Variants in GPC6 observed in about 807,000 individuals in gnomAD.
GPC6 encodes the protein glypican-6.
A neutral mutation model predicts 55.2 loss-of-function variants in GPC6; 14 were observed. The ratio of observed to expected loss-of-function variants is 0.25; its 90% confidence interval spans 0.17 to 0.40. The LOEUF is 0.40. GPC6 is among the 10% of genes least tolerant of loss of function. GPC6 has a pLI of 1.00. For synonymous variants in GPC6, 278 were observed against 259.6 expected, an observed-to-expected ratio of 1.07 and a Z score of -0.68; for missense variants, 641 against 708.5, an observed-to-expected ratio of 0.90 and a Z score of 1.08.
In GPC6 at chr13:94,300,136, G is replaced by A. The variant is rs1368104048; in HGVS notation, c.1009-5844G>A. ...TTCCCCCATTATGGAAACCTGCTGA[G>A]TAGAAAGTGGGAAGACAGAATTTTT... On this transcript the variant is annotated intron_variant, in intron 5 of 8. Coordinates refer to ENST00000377047, the MANE Select transcript of GPC6 (RefSeq NM_005708.5). Among the ~76,000 whole-genome samples the A allele has an allele frequency of 3.3e-5, 5 of 152,160 alleles. No individual in the cohort carries two copies. In the South Asian group the frequency reaches 8.3e-4, roughly 25 times the overall value.
At chr13:93,978,409 A>G (rs1880619218) in intron 3 of GPC6, among the ~76,000 whole-genome samples, 1 of 152,200 alleles carries the variant, frequency 6.6e-6, no homozygotes. Context: ...TAAGGAGAGG[A>G]CATATTAAGT....
At chr13:94,238,407 A>T (rs1263934335) in intron 4 of GPC6, among the ~76,000 whole-genome samples, 1 of 152,116 alleles carries the variant, frequency 6.6e-6, no homozygotes, top group Non-Finnish European at 1.5e-5. Context: ...TGGAGAAAAA[A>T]GTAGACTGCA....
intron 1 of GPC6, among the ~76,000 whole-genome samples, chr13:93,234,903 A>G (rs1463644259): frequency 6.6e-6 from 1 of 152,222 alleles, no homozygotes; most frequent in Non-Finnish European, 1.5e-5. Context: ...GAGATTTCTC[A>G]AATAGGATCA....
chr13:94,168,066 C>A (rs1185864198), intron 4 of GPC6, among the ~76,000 whole-genome samples: 1 of 152,146 alleles, frequency 6.6e-6, no homozygotes, highest in Admixed American at 6.6e-5. Flanking sequence ...CAGCAACTTG[C>A]GAGATAGGCA....
intron 5 of GPC6, among the ~76,000 whole-genome samples, chr13:94,305,034 A>G (rs1875870056): frequency 6.6e-6 from 1 of 152,258 alleles, no homozygotes; most frequent in African/African-American, 2.4e-5. Context: ...CAGGAATCCC[A>G]AACGGATGTT....
intron 4 of GPC6, among the ~76,000 whole-genome samples, chr13:94,277,534 G>A (rs1355078810): frequency 6.6e-6 from 1 of 152,062 alleles, no homozygotes; most frequent in African/African-American, 2.4e-5. Flanking sequence ...GTATTGCCTA[G>A]ATTTTCTTCG....
At chr13:94,350,573 T>C (rs1037871660) in intron 6 of GPC6, among the ~76,000 whole-genome samples, 3 of 152,174 alleles carry the variant, frequency 2.0e-5, no homozygotes, top group African/African-American at 7.2e-5. Context: ...CTTTTGAGTA[T>C]AGTATTATCT....
intron 1 of GPC6, among the ~76,000 whole-genome samples, chr13:93,415,464 AT>A (rs889482119): frequency 7.2e-4 from 109 of 152,060 alleles, no homozygotes; most frequent in African/African-American, 2.6e-3. Flanking sequence ...ATCGTATTTT[AT>A]TTTTAGAAAT....
intron 4 of GPC6, among the ~76,000 whole-genome samples, chr13:94,114,158 T>TA (rs551267914): frequency 2.6e-3 from 287 of 110,200 alleles, no homozygotes; most frequent in Middle Eastern, 0.022. Context: ...TTTTCTAAAT[T>TA]AAAAAAAAAA....
chr13:93,288,788 C>G (rs777485279), intron 1 of GPC6, among the ~76,000 whole-genome samples: 154 of 152,280 alleles, frequency 1.0e-3, no homozygotes, highest in Middle Eastern at 3.4e-3. Context: ...GTAGGGCAAC[C>G]TGCAGGCATG....
chr13:93,956,844 T>G (rs555526944), intron 3 of GPC6, among the ~76,000 whole-genome samples: 2 of 152,350 alleles, frequency 1.3e-5, no homozygotes, highest in East Asian at 3.9e-4. Context: ...GAAATTTTCC[T>G]TATTTTAAAA....
intron 2 of GPC6, among the ~76,000 whole-genome samples, chr13:93,684,480 G>A (rs1453492096): frequency 5.3e-5 from 8 of 151,942 alleles, no homozygotes; most frequent in Admixed American, 4.6e-4. Context: ...GAGCTACCAC[G>A]CCAAGCCTGC....
rs1875817688 is a variant in GPC6, at chr13:93,227,194, C to A, written c.-263C>A. ...CTTCTCTTCCTCGTTTTGATTGCAC[C>A]GTTTCCATCTGGGGGCTAGAGGAGC... On this transcript the variant is annotated 5_prime_UTR_variant, in exon 1 of 9. Coordinates refer to ENST00000377047, the MANE Select transcript of GPC6 (RefSeq NM_005708.5). This position sits in a 1 kb window ranked among gnomAD's most constrained non-coding sequence, Gnocchi z 4.3. The A allele has an allele frequency of 7.7e-6, 3 of 390,028 alleles. No homozygotes were observed. The highest frequency in any genetic ancestry group is 1.4e-5 in the Non-Finnish European group (3 of 217,644). The allele number at this position is 390,028 out of a possible 1,614,324, so 24.2% of individuals were successfully genotyped here.
intron 4 of GPC6, among the ~76,000 whole-genome samples, chr13:94,078,174 C>T (rs1177466941): frequency 6.6e-6 from 1 of 151,552 alleles, no homozygotes; most frequent in Non-Finnish European, 1.5e-5. Flanking sequence ...CCAATGGGAC[C>T]AAGAAGAAAT....
intron 2 of GPC6, among the ~76,000 whole-genome samples, chr13:93,679,783 G>A (rs758341574): frequency 6.6e-6 from 1 of 151,598 alleles, no homozygotes; most frequent in Non-Finnish European, 1.5e-5. Context: ...ACAAATATTC[G>A]CTGAGTGTTC....
intron 2 of GPC6, among the ~76,000 whole-genome samples, chr13:93,738,260 C>T (rs1884069801): frequency 6.6e-6 from 1 of 152,108 alleles, no homozygotes. Context: ...CATATGTTAG[C>T]TTTTTCATCA....
chr13:94,131,197 C>A (rs1886988354), intron 4 of GPC6, among the ~76,000 whole-genome samples: 1 of 152,066 alleles, frequency 6.6e-6, no homozygotes, highest in South Asian at 2.1e-4. Context: ...TCCAGGACTG[C>A]ATTTATGATC....
chr13:93,811,918 A>G (rs548682913), intron 2 of GPC6, among the ~76,000 whole-genome samples: 1 of 152,186 alleles, frequency 6.6e-6, no homozygotes, highest in South Asian at 2.1e-4. Flanking sequence ...CTGCAGCCAC[A>G]CTTACTGTTA....
At chr13:94,152,686 AAG>A (rs1421909775) in intron 4 of GPC6, among the ~76,000 whole-genome samples, 1 of 152,120 alleles carries the variant, frequency 6.6e-6, no homozygotes, top group African/African-American at 2.4e-5. Context: ...TTCCCCTTGT[AAG>A]AATTAAACCT....
Sources: allele counts gnomAD v4.1 joint callset (sites outside exome capture counted in the v4.1 genomes callset), GRCh38; gene constraint gnomAD v4.1.1; non-coding constraint Gnocchi (gnomAD v3.1); transcripts MANE v1.5; gene names NCBI Gene and HGNC (gene_info 2026-07-23, HGNC 2026-07-21).